Variants in RBFOX1 observed in about 807,000 individuals in gnomAD.
RBFOX1 encodes RNA binding fox-1 homolog 1.
A neutral mutation model predicts 57.7 loss-of-function variants in RBFOX1; 8 were observed. The observed-to-expected ratio is 0.14, with a 90% CI of 0.08 to 0.25. The LOEUF (loss-of-function observed/expected upper bound fraction) is 0.25, where lower values mean the gene tolerates loss of function less well. Among genes scored for constraint, RBFOX1 ranks in the 10% least tolerant of loss-of-function variants. The pLI is 1.00. For synonymous variants in RBFOX1, 326 were observed against 222.4 expected (o/e 1.47, Z -4.15); for missense variants, 611 against 548.5 (o/e 1.11, Z -1.14).
intron 2 of RBFOX1, among the ~76,000 whole-genome samples, chr16:5,523,577 G>A (rs1014723581): frequency 5.3e-5 from 8 of 152,146 alleles, no homozygotes; most frequent in Non-Finnish European, 5.9e-5. Flanking sequence ...CGAACATGCC[G>A]CTGCACTGCA....
At chr16:7,363,609 G>A (rs959687045) in intron 4 of RBFOX1, among the ~76,000 whole-genome samples, 7 of 152,162 alleles carry the variant, frequency 4.6e-5, no homozygotes, top group African/African-American at 1.7e-4. Context: ...CTGGGGAAAG[G>A]TCATCATGAG....
At chr16:5,973,627 T>G (rs2060006184) in intron 4 of RBFOX1, among the ~76,000 whole-genome samples, 1 of 152,242 alleles carries the variant, frequency 6.6e-6, no homozygotes, top group Admixed American at 6.5e-5. Context: ...AGATATTTGG[T>G]CAAGTATTAT....
intron 4 of RBFOX1, among the ~76,000 whole-genome samples, chr16:7,315,402 G>A (rs969045334): frequency 6.7e-6 from 1 of 150,136 alleles, no homozygotes; most frequent in African/African-American, 2.4e-5. Context: ...ATTCTGAAGT[G>A]AATACATGAA....
chr16:5,324,715 C>G (rs1319473476), intron 1 of RBFOX1, among the ~76,000 whole-genome samples: 1 of 152,086 alleles, frequency 6.6e-6, no homozygotes, highest in Non-Finnish European at 1.5e-5. Context: ...AATAGAAAAC[C>G]AAATACCACT....
chr16:7,298,341 T>G (rs2095948838), intron 4 of RBFOX1, among the ~76,000 whole-genome samples: 1 of 145,114 alleles, frequency 6.9e-6, no homozygotes, highest in Non-Finnish European at 1.5e-5. Context: ...GGCTCTGGAG[T>G]GCAGTAGCAT....
At chr16:6,398,645 C>T (rs1292268298) in intron 2 of RBFOX1, among the ~76,000 whole-genome samples, 2 of 152,254 alleles carry the variant, frequency 1.3e-5, no homozygotes, top group African/African-American at 2.4e-5. Context: ...CTCCATGTCT[C>T]ACTTCCTGGT....
intron 4 of RBFOX1, among the ~76,000 whole-genome samples, chr16:7,475,857 A>G (rs1308813319): frequency 3.3e-5 from 5 of 152,220 alleles, no homozygotes; most frequent in East Asian, 3.8e-4. Context: ...GTGAGGTAGC[A>G]TTTATTTGGT....
intron 1 of RBFOX1, among the ~76,000 whole-genome samples, chr16:6,272,266 G>A (rs953746373): frequency 2.6e-5 from 4 of 151,992 alleles, no homozygotes; most frequent in African/African-American, 9.7e-5. Context: ...GGCAAAAACT[G>A]TCAGAAAAAC....
chr16:6,674,601 C>A lies in RBFOX1; in HGVS notation c.-16+19951C>A, dbSNP rs151000648. Among the ~76,000 whole-genome samples, 25 of 152,168 alleles carry A rather than the reference C, an allele frequency of 1.6e-4. No individual in the cohort carries two copies. In the East Asian group the frequency reaches 4.9e-3, roughly 30 times the overall value. On this transcript the variant is annotated intron_variant, in intron 3 of 15. Coordinates refer to ENST00000550418, the MANE Select transcript of RBFOX1 (RefSeq NM_018723.4). Reference sequence around the variant, plus strand: ...CCTCCCAAAGTGTTGGAATTACAGGCGTGAGCCACCGTGCCCAGCCCGAAT... The same window carrying A: ...CCTCCCAAAGTGTTGGAATTACAGGAGTGAGCCACCGTGCCCAGCCCGAAT...
chr16:7,525,560 C>T (rs2078511480), intron 5 of RBFOX1, among the ~76,000 whole-genome samples: 1 of 152,130 alleles, frequency 6.6e-6, no homozygotes, highest in Admixed American at 6.5e-5. Flanking sequence ...GGCCTGACAC[C>T]CACACCCTTG....
intron 3 of RBFOX1, among the ~76,000 whole-genome samples, chr16:6,826,955 A>G (rs1488087541): frequency 6.6e-6 from 1 of 152,148 alleles, no homozygotes; most frequent in African/African-American, 2.4e-5. Flanking sequence ...ATAGGTGAGG[A>G]TATTTGACAA....
At chr16:6,068,983 A>G (rs2095801580) in intron 1 of RBFOX1, among the ~76,000 whole-genome samples, 1 of 152,056 alleles carries the variant, frequency 6.6e-6, no homozygotes, top group South Asian at 2.1e-4. Flanking sequence ...GTTGCCTGCT[A>G]CAAAGTAGGC....
intron 1 of RBFOX1, among the ~76,000 whole-genome samples, chr16:6,151,785 C>T (rs1380895250): frequency 6.6e-6 from 1 of 152,164 alleles, no homozygotes; most frequent in Non-Finnish European, 1.5e-5. Context: ...TTTTAGGTCT[C>T]ACTTCTTTCT....
intron 4 of RBFOX1, among the ~76,000 whole-genome samples, chr16:5,942,498 C>G (rs757699551): frequency 2.6e-5 from 4 of 152,176 alleles, no homozygotes; most frequent in East Asian, 3.9e-4. Context: ...GTTACAGGTG[C>G]AATTGGGGAA....
At chr16:5,846,072 C>A (rs1229296320) in intron 3 of RBFOX1, among the ~76,000 whole-genome samples, 2 of 151,786 alleles carry the variant, frequency 1.3e-5, no homozygotes, top group African/African-American at 4.8e-5. Context: ...ATCCTAACTA[C>A]TTGGGAGGCT....
At chr16:6,974,590 C>G (rs1247308056) in intron 3 of RBFOX1, among the ~76,000 whole-genome samples, 9 of 151,950 alleles carry the variant, frequency 5.9e-5, no homozygotes, top group South Asian at 2.1e-4. Flanking sequence ...GGTGATCTGC[C>G]CACCTCGGCC....
intron 5 of RBFOX1, among the ~76,000 whole-genome samples, chr16:7,565,802 G>C (rs1208051471): frequency 2.6e-5 from 4 of 152,126 alleles, no homozygotes; most frequent in Non-Finnish European, 5.9e-5. Flanking sequence ...GAAGAGTTTT[G>C]TGCATGGAGG....
intron 1 of RBFOX1, among the ~76,000 whole-genome samples, chr16:6,035,061 G>C (rs2095347774): frequency 6.6e-6 from 1 of 150,740 alleles, no homozygotes; most frequent in South Asian, 2.1e-4. Context: ...AGGCTGTCCT[G>C]TACACTGTAG....
intron 3 of RBFOX1, among the ~76,000 whole-genome samples, chr16:6,736,737 T>A (rs1173775353): frequency 6.6e-6 from 1 of 152,214 alleles, no homozygotes; most frequent in African/African-American, 2.4e-5. Context: ...ATCTCCACAC[T>A]GGGAAAACCA....
Sources: allele counts gnomAD v4.1 joint callset (sites outside exome capture counted in the v4.1 genomes callset), GRCh38; gene constraint gnomAD v4.1.1; transcripts MANE v1.5; gene names NCBI Gene and HGNC (gene_info 2026-07-23, HGNC 2026-07-21).